The following ALG8 variants were observed in gnomAD, a reference collection of about 807,000 sequenced individuals.
ALG8 encodes the protein ALG8 alpha-1,3-glucosyltransferase.
ALG8 carries 48 observed loss-of-function variants against 70.2 expected under a neutral mutation model. The ratio of observed to expected loss-of-function variants is 0.68; its 90% CI spans 0.54 to 0.87. ALG8 has a LOEUF of 0.87. ALG8 is among the 40% of genes least tolerant of loss of function. The pLI is 0.00. For missense variants in ALG8, 572 were observed against 608.7 expected, an observed-to-expected ratio of 0.94 and a Z score of 0.64; for synonymous variants, 234 against 229.0, an observed-to-expected ratio of 1.02 and a Z score of -0.20.
chr11:78,103,564 G>A (rs1256159230), intron 12 of ALG8: 2 of 158,454 alleles, frequency 1.3e-5, no homozygotes, highest in Non-Finnish European at 2.7e-5. Context: ...GTAGGCGGAG[G>A]GTGTGGTGAG....
At position 78,113,878 on chromosome 11, in the gene ALG8, A is replaced by AAAAT; in HGVS notation, c.777+7_777+8insATTT. The AAAAT allele has an allele frequency of 1.3e-6, 2 of 1,539,158 alleles. No individual in the cohort carries two copies. Among genetic ancestry groups the AAAAT allele is most frequent in the Non-Finnish European group, 1.8e-6 (2 of 1,142,044 alleles). ...TATTAATTGAAAAAAAAAAAAAAAA[A>AAAAT]GGCTTACCAAGGCCAGGAAAGGACC... On this transcript the variant is annotated splice_region_variant and intron_variant, in intron 7 of 12. Coordinates refer to ENST00000299626, the MANE Select transcript of ALG8 (RefSeq NM_024079.5).
intron 7 of ALG8, 127 bp downstream of exon 7, chr11:78,113,759 G>A (rs1272959211): frequency 2.0e-5 from 14 of 713,430 alleles, no homozygotes; most frequent in Non-Finnish European, 3.0e-5. Context: ...TCTTTGGGGA[G>A]TCACGTTGGG....
intron 1 of ALG8, chr11:78,135,246 T>A (rs1861489836): frequency 6.6e-6 from 1 of 152,002 alleles, no homozygotes; most frequent in Non-Finnish European, 1.5e-5. Flanking sequence ...TCCCAGCTAC[T>A]TGGCAGGTTG....
intron 5 of ALG8, 60 bp downstream of exon 5, chr11:78,119,122 C>A: frequency 7.4e-7 from 1 of 1,345,592 alleles, no homozygotes. Context: ...TACACTGTTC[C>A]CTTTACAATC....
intron 1 of ALG8, among the ~76,000 whole-genome samples, chr11:78,129,889 A>G (rs1266657728): frequency 1.3e-5 from 2 of 152,164 alleles, no homozygotes; most frequent in Admixed American, 6.5e-5. Flanking sequence ...CTATCTAGTG[A>G]TAAGAATGAA....
intron 1 of ALG8, chr11:78,135,149 T>C (rs508308): frequency 0.22 from 33,197 of 151,352 alleles, 4,490 homozygotes; most frequent in African/African-American, 0.38. Flanking sequence ...AGCACAGGAG[T>C]TCAAAAACAG....
At chr11:78,138,943 C>T (rs971690178) in intron 1 of ALG8, 6 of 369,704 alleles carry the variant, frequency 1.6e-5, no homozygotes, top group African/African-American at 1.3e-4. Context: ...TTTGAACTTA[C>T]TCTTTCCTAT....
intron 5 of ALG8, chr11:78,114,723 T>C (rs1261869992): frequency 6.7e-6 from 3 of 445,624 alleles, no homozygotes; most frequent in African/African-American, 4.1e-5. Context: ...CCCAGCACTT[T>C]GGTAAGCCGA....
At position 78,104,032 on chromosome 11, in the gene ALG8, G is replaced by GT; in HGVS notation, c.1296dup (p.Leu433ThrfsTer9). 2.0e-6 allele frequency: 3 copies of GT among 1,507,416 alleles called. No individual in the cohort carries two copies. Among genetic ancestry groups the GT allele is most frequent in the Non-Finnish European group, 2.8e-6 (3 of 1,087,164 alleles). 93.4% of individuals were successfully genotyped at this position (1,507,416 alleles called of 1,614,324 possible). A position where few individuals can be genotyped will look rare whatever the true frequency, so the allele number is the denominator to read the frequency against. Reference sequence around the variant, plus strand: ...CTATATATGGTGAATAGTAACATGAGTAAGATTTTAATGGGAAGTTCTGTT... The same window carrying GT: ...CTATATATGGTGAATAGTAACATGAGTTAAGATTTTAATGGGAAGTTCTGTT... On this transcript the variant is annotated frameshift_variant, in exon 12 of 13. Transcript: ENST00000299626. LOFTEE classifies it high-confidence loss of function.
At chr11:78,113,467 C>T (rs995107210) in intron 7 of ALG8, among the ~76,000 whole-genome samples, 15 of 152,222 alleles carry the variant, frequency 9.9e-5, no homozygotes, top group Admixed American at 9.8e-4. Context: ...AATCCCAGCA[C>T]GTTGGGAGGC....
rs1379263151 is a variant in ALG8, at chr11:78,106,862, T to A, written c.1123A>T (p.Met375Leu). 1.9e-6 allele frequency: 3 copies of A among 1,613,938 alleles called. No individual in the cohort carries two copies. Among genetic ancestry groups the A allele is most frequent in the African/African-American group, 1.3e-5 (1 of 74,882 alleles). ...CLTLCALSSF[M>L]FGWHVHEKAI... Reference sequence around the variant, plus strand: ...TTTTCATGAACATGCCACCCAAACATAAAGGAGCTCAAGGCACAAAGAGTT... The same window carrying A: ...TTTTCATGAACATGCCACCCAAACAAAAAGGAGCTCAAGGCACAAAGAGTT... Residue 375 changes from methionine to leucine, a missense_variant, in exon 10 of 13, where the codon ATG (methionine) becomes TTG (leucine). By Grantham distance (15) the Met-to-Leu change is conservative (BLOSUM62 2). Transcript: ENST00000299626.
intron 3 of ALG8, among the ~76,000 whole-genome samples, chr11:78,122,631 T>C (rs563584228): frequency 2.0e-5 from 3 of 152,296 alleles, no homozygotes; most frequent in South Asian, 4.1e-4. Flanking sequence ...CATGAGACAC[T>C]ATGCCTGGCC....
intron 2 of ALG8, 113 bp downstream of exon 2, chr11:78,127,244 TG>T: frequency 1.3e-5 from 12 of 959,716 alleles, no homozygotes; most frequent in Non-Finnish European, 1.9e-5. Flanking sequence ...CCCAAAGTGC[TG>T]GGATTACAAG....
intron 10 of ALG8, among the ~76,000 whole-genome samples, chr11:78,106,211 T>G (rs540623251): frequency 2.5e-3 from 386 of 152,266 alleles, no homozygotes; most frequent in Non-Finnish European, 4.5e-3. Context: ...CTTTTTTTCA[T>G]TTTTGAGACA....
At chr11:78,121,480 G>C (rs1164497724) in intron 3 of ALG8, among the ~76,000 whole-genome samples, 1 of 112,322 alleles carries the variant, frequency 8.9e-6, no homozygotes, top group Non-Finnish European at 1.8e-5. Context: ...GGCTACTCAG[G>C]AGGCTGAAGT....
At chr11:78,113,601 T>A (rs1335469546) in intron 7 of ALG8, among the ~76,000 whole-genome samples, 1 of 151,422 alleles carries the variant, frequency 6.6e-6, no homozygotes, top group Admixed American at 6.6e-5. Flanking sequence ...TAATCCCACC[T>A]ACTCAGGAGG....
intron 7 of ALG8, 27 bp from the exon 8 acceptor site, chr11:78,112,797 T>A (rs1365993356): frequency 1.9e-6 from 3 of 1,610,590 alleles, no homozygotes; most frequent in Admixed American, 1.7e-5. Context: ...TGAAACTGAT[T>A]AAACAGTCAT....
chr11:78,134,095 C>T (rs1317840681), intron 1 of ALG8, among the ~76,000 whole-genome samples: 1 of 151,182 alleles, frequency 6.6e-6, no homozygotes, highest in Non-Finnish European at 1.5e-5. Context: ...GTTGATTGAT[C>T]AGGTTTATGG....
chr11:78,121,738 T>C (rs1415827793), intron 3 of ALG8, among the ~76,000 whole-genome samples: 1 of 152,066 alleles, frequency 6.6e-6, no homozygotes, highest in Non-Finnish European at 1.5e-5. Context: ...TTTCAGTCCT[T>C]AAGAGTAAAA....
Sources: allele counts gnomAD v4.1 joint callset (sites outside exome capture counted in the v4.1 genomes callset), GRCh38; gene constraint gnomAD v4.1.1; transcripts MANE v1.5; gene names NCBI Gene and HGNC (gene_info 2026-07-23, HGNC 2026-07-21).